YTHDF2: variants seen among roughly 807,000 people sequenced by gnomAD.
The protein encoded by YTHDF2 is YTH domain-containing family protein 2.
Under a neutral mutation model 50.4 loss-of-function variants are expected in YTHDF2, and 2 were observed. The observed-to-expected ratio is 0.04, with a 90% CI of 0.02 to 0.12. The LOEUF (loss-of-function observed/expected upper bound fraction) is 0.12, where lower values mean the gene tolerates loss of function less well. Among genes scored for constraint, YTHDF2 ranks in the 10% least tolerant of loss-of-function variants. YTHDF2 has a pLI of 1.00. For missense variants in YTHDF2, 483 were observed against 722.6 expected (o/e 0.67, Z 3.80); for synonymous variants, 217 against 255.6 (o/e 0.85, Z 1.44).
intron 4 of YTHDF2, among the ~76,000 whole-genome samples, chr1:28,752,879 C>CA (rs1319962447): frequency 6.6e-6 from 1 of 151,188 alleles, no homozygotes; most frequent in Non-Finnish European, 1.5e-5. Context: ...CTTGTCTCTA[C>CA]AAAAAATTTA....
chr1:28,746,771 A>G (rs2087868830), intron 4 of YTHDF2, among the ~76,000 whole-genome samples: 1 of 151,316 alleles, frequency 6.6e-6, no homozygotes, highest in African/African-American at 2.4e-5. Context: ...ACAAACAAGT[A>G]GCAAATTTAG....
At position 28,768,959 on chromosome 1, in the gene YTHDF2, G is replaced by C; in HGVS notation, c.*7G>C. Reference sequence around the variant, plus strand: ...TCAAGGTCGTGGGAAATAAAAGGCAGTTCTACACAGACTGCAGCAACGGTT... The same window carrying C: ...TCAAGGTCGTGGGAAATAAAAGGCACTTCTACACAGACTGCAGCAACGGTT... On this transcript the variant is annotated 3_prime_UTR_variant, in exon 5 of 5. Transcript: ENST00000373812. The C allele has an allele frequency of 1.3e-6, 2 of 1,585,486 alleles. No individual in the cohort carries two copies. The highest frequency in any genetic ancestry group is 1.7e-6 in the Non-Finnish European group (2 of 1,164,786).
intron 2 of YTHDF2, 61 bp downstream of exon 2, chr1:28,737,743 G>T (rs1455835788): frequency 6.3e-7 from 1 of 1,597,148 alleles, no homozygotes. Flanking sequence ...GTGGGGGCGG[G>T]GTCTCCGGGA....
rs748288328 is a variant in YTHDF2, at chr1:28,743,704, C to T, written c.1434C>T (p.Asp478=). Residue 478 remains aspartate (D), a synonymous_variant, in exon 4 of 5, where the codon GAC becomes GAT. Coordinates refer to ENST00000373812, the MANE Select transcript of YTHDF2 (RefSeq NM_016258.3). The surrounding 1 kb of genome is among the most constrained non-coding windows in gnomAD (Gnocchi z 6.9). ...CGVAEMKSAV[D]YNTCAGVWSQ... ...TGGCAGAAATGAAATCTGCTGTGGA[C>T]TACAACACATGTGCAGGTGTGTGGT... The T allele has an allele frequency of 3.3e-5, 54 of 1,614,142 alleles. No individual in the cohort carries two copies. The highest frequency in any genetic ancestry group is 4.4e-5 in the Non-Finnish European group (52 of 1,180,034).
chr1:28,737,400 C>T (rs550261206), intron 1 of YTHDF2: 5 of 634,366 alleles, frequency 7.9e-6, no homozygotes, highest in African/African-American at 5.8e-5. Context: ...CGTTTTCCTT[C>T]CTTGTTTCCT....
intron 3 of YTHDF2, among the ~76,000 whole-genome samples, chr1:28,741,519 G>A (rs1242037848): frequency 2.6e-5 from 4 of 151,942 alleles, no homozygotes; most frequent in South Asian, 2.1e-4. Context: ...GGCTGGTCTC[G>A]AACTGACCTC....
intron 1 of YTHDF2, chr1:28,737,376 C>T (rs551663555): frequency 1.6e-5 from 10 of 634,028 alleles, no homozygotes; most frequent in South Asian, 8.7e-5. Flanking sequence ...GCGTTCCCTT[C>T]TCTCGGCGGG....
intron 4 of YTHDF2, among the ~76,000 whole-genome samples, chr1:28,759,564 G>C (rs1436054625): frequency 6.6e-6 from 1 of 152,130 alleles, no homozygotes; most frequent in Non-Finnish European, 1.5e-5. Flanking sequence ...ATACCAACCT[G>C]TACAGCATGT....
In YTHDF2 at chr1:28,738,255, T is replaced by A; in HGVS notation, c.53-4T>A. The A allele has an allele frequency of 6.2e-7, 1 of 1,612,728 alleles. No individual in the cohort carries two copies. The highest frequency in any genetic ancestry group is 8.5e-7 in the Non-Finnish European group (1 of 1,178,868). On this transcript the variant is annotated splice_region_variant and splice_polypyrimidine_tract_variant and intron_variant, in intron 2 of 4. Transcript: ENST00000373812. ...CACTCCTAATTGAATTTTTTTTTCT[T>A]TAGTACAAAATGGATCTGTACATCA...
intron 4 of YTHDF2, among the ~76,000 whole-genome samples, chr1:28,756,743 A>G (rs1457514009): frequency 2.0e-5 from 3 of 152,120 alleles, no homozygotes; most frequent in African/African-American, 7.2e-5. Context: ...GGGATGAGGA[A>G]GAGTTACCCA....
chr1:28,750,646 G>A (rs1384207707), intron 4 of YTHDF2, among the ~76,000 whole-genome samples: 1 of 152,120 alleles, frequency 6.6e-6, no homozygotes, highest in Non-Finnish European at 1.5e-5. Flanking sequence ...AAGTAAGAAC[G>A]GACTGAGGCC....
At chr1:28,750,644 A>G (rs112998857) in intron 4 of YTHDF2, among the ~76,000 whole-genome samples, 365 of 152,318 alleles carry the variant, frequency 2.4e-3, no homozygotes, top group African/African-American at 8.6e-3. Context: ...ATAAGTAAGA[A>G]CGGACTGAGG....
In YTHDF2 at chr1:28,768,153, G is replaced by A. The variant is rs147288358; in HGVS notation, c.1717-776G>A. Reference sequence around the variant, plus strand: ...GCCGAGGTTGCAGTGAGCGAAGATCGCGCCATTGTACTCTAGCCTGGGCTA... The same window carrying A: ...GCCGAGGTTGCAGTGAGCGAAGATCACGCCATTGTACTCTAGCCTGGGCTA... On this transcript the variant is annotated intron_variant, in intron 4 of 4. Transcript: ENST00000373812. 5.4e-3 allele frequency among the ~76,000 whole-genome samples: 816 copies of A among 152,030 alleles called. 4 individuals are homozygous for A. Among genetic ancestry groups the A allele is most frequent in the African/African-American group, 0.019 (788 of 41,530 alleles).
chr1:28,761,980 AAAGTC>A (rs1399050663), intron 4 of YTHDF2, among the ~76,000 whole-genome samples: 3 of 152,238 alleles, frequency 2.0e-5, no homozygotes, highest in East Asian at 1.9e-4. Context: ...CTTGAAGTCT[AAAGTC>A]AAGTCATTAG....
chr1:28,755,600 G>A (rs1171906482), intron 4 of YTHDF2, among the ~76,000 whole-genome samples: 1 of 152,152 alleles, frequency 6.6e-6, no homozygotes, highest in Non-Finnish European at 1.5e-5. Context: ...GAGAGAAAAG[G>A]ACTATGGAAA....
chr1:28,744,047 G>A, intron 4 of YTHDF2, 61 bp downstream of exon 4: 2 of 1,456,184 alleles, frequency 1.4e-6, no homozygotes, highest in Non-Finnish European at 1.8e-6. Flanking sequence ...AACAGAAGAG[G>A]TATTATATAG....
intron 4 of YTHDF2, among the ~76,000 whole-genome samples, chr1:28,764,763 G>A (rs761803219): frequency 6.1e-4 from 93 of 152,156 alleles, no homozygotes; most frequent in Admixed American, 2.2e-3. Context: ...TGCTGGTCTC[G>A]AACTCCTGAC....
chr1:28,739,426 C>G lies in YTHDF2; in HGVS notation c.132+1088C>G, dbSNP rs1053053778. Among the ~76,000 whole-genome samples, 15 of 151,762 alleles carry G rather than the reference C, an allele frequency of 9.9e-5. 1 individual carries two copies. The highest frequency in any genetic ancestry group is 3.4e-3 in the Middle Eastern group (1 of 294). ...GCCTACCAGGTGATTTTGCCCGCCT[C>G]AGCCTCCCAAGTAGCTGGGACCACC... On this transcript the variant is annotated intron_variant, in intron 3 of 4. Transcript: ENST00000373812.
intron 4 of YTHDF2, among the ~76,000 whole-genome samples, chr1:28,752,204 AC>A (rs1186430411): frequency 6.6e-6 from 1 of 151,990 alleles, no homozygotes; most frequent in African/African-American, 2.4e-5. Flanking sequence ...CAAATTCCTT[AC>A]TCTTGAGGTT....
Sources: allele counts gnomAD v4.1 joint callset (sites outside exome capture counted in the v4.1 genomes callset), GRCh38; gene constraint gnomAD v4.1.1; non-coding constraint Gnocchi (gnomAD v3.1); transcripts MANE v1.5; gene names NCBI Gene and HGNC (gene_info 2026-07-23, HGNC 2026-07-21).